Variants in CYFIP2 observed in about 807,000 individuals in gnomAD.
CYFIP2 encodes cytoplasmic FMR1 interacting protein 2.
Under a neutral mutation model 158.7 loss-of-function variants are expected in CYFIP2, and 29 were observed. That is an observed-to-expected ratio of 0.18 (90% confidence interval 0.14 to 0.25). The LOEUF (loss-of-function observed/expected upper bound fraction) is 0.25. Among genes scored for constraint, CYFIP2 ranks in the 10% least tolerant of loss-of-function variants. CYFIP2 has a pLI of 1.00. For synonymous variants in CYFIP2, 585 were observed against 617.6 expected, an observed-to-expected ratio of 0.95 and a Z score of 0.78; for missense variants, 852 against 1,639.5, an observed-to-expected ratio of 0.52 and a Z score of 8.29.
rs548791988 is a variant in CYFIP2 at position 157,266,430 on chromosome 5, A to G, written c.-24+235A>G. 1 of 151,708 alleles carries G rather than the reference A, an allele frequency of 6.6e-6. No homozygotes were observed. Among genetic ancestry groups the G allele is most frequent in the South Asian group, 2.1e-4 (1 of 4,816 alleles). The allele number at this position is 151,708 out of a possible 1,614,324, so 9.4% of individuals were successfully genotyped here. Reference sequence around the variant, plus strand: ...CCCTCTGCCCGGGAGGCGCGGGCACATCGCGGAGCTCCGGCGCGGCGGCGG... The same window carrying G: ...CCCTCTGCCCGGGAGGCGCGGGCACGTCGCGGAGCTCCGGCGCGGCGGCGG... On this transcript the variant is annotated intron_variant, in intron 1 of 30. Transcript: ENST00000620254. This position sits in a 1 kb window ranked among gnomAD's most constrained non-coding sequence, Gnocchi z 4.2.
intron 1 of CYFIP2, 25 bp from the exon 2 acceptor site, chr5:157,285,314 C>T: frequency 1.3e-6 from 2 of 1,492,722 alleles, no homozygotes; most frequent in Non-Finnish European, 1.8e-6. Flanking sequence ...AAATTCTCCA[C>T]TGACCTTCTC....
intron 23 of CYFIP2, among the ~76,000 whole-genome samples, chr5:157,347,711 T>C (rs1223205966): frequency 6.6e-6 from 1 of 152,256 alleles, no homozygotes; most frequent in Admixed American, 6.5e-5. Context: ...AATTTATTTT[T>C]AATATTCTTG....
intron 23 of CYFIP2, chr5:157,343,125 C>T (rs10037485): frequency 0.21 from 335,065 of 1,614,014 alleles, 37,797 homozygotes; most frequent in African/African-American, 0.36. Flanking sequence ...TGGCAACGGA[C>T]ACACCAGAAC....
intron 11 of CYFIP2, 120 bp from the exon 12 acceptor site, chr5:157,314,224 T>C (rs966274110): frequency 1.5e-6 from 2 of 1,297,974 alleles, no homozygotes; most frequent in African/African-American, 3.0e-5. Context: ...GAGCCTCAGT[T>C]TATCTGTCAA....
At chr5:157,392,736 T>G in intron 30 of CYFIP2, 97 bp from the exon 31 acceptor site, 1 of 1,329,732 alleles carries the variant, frequency 7.5e-7, no homozygotes, top group East Asian at 2.3e-5. Flanking sequence ...TGATCACTGA[T>G]GCAGGGGACC....
chr5:157,377,342 G>T (rs1220847702), intron 26 of CYFIP2, among the ~76,000 whole-genome samples: 1 of 151,836 alleles, frequency 6.6e-6, no homozygotes, highest in African/African-American at 2.4e-5. Context: ...TCTCAGCCCT[G>T]CCCTACTGTG....
At chr5:157,339,953 T>C (rs1762128453) in intron 22 of CYFIP2, among the ~76,000 whole-genome samples, 1 of 152,232 alleles carries the variant, frequency 6.6e-6, no homozygotes, top group African/African-American at 2.4e-5. Flanking sequence ...TGCATTTTTA[T>C]TAACCCTGAA....
chr5:157,331,482 C>T (rs375770412), intron 20 of CYFIP2, among the ~76,000 whole-genome samples: 226 of 151,436 alleles, frequency 1.5e-3, no homozygotes, highest in African/African-American at 5.0e-3. Flanking sequence ...CGTCTGTGTG[C>T]TTATTATGTG....
intron 26 of CYFIP2, among the ~76,000 whole-genome samples, chr5:157,379,799 C>G (rs1299882299): frequency 6.6e-6 from 1 of 152,018 alleles, no homozygotes; most frequent in African/African-American, 2.4e-5. Flanking sequence ...AGCAGGTTCG[C>G]CTTGCCCACT....
chr5:157,280,185 G>A lies in CYFIP2; in HGVS notation c.-23-5154G>A, dbSNP rs747085504. On this transcript the variant is annotated intron_variant, in intron 1 of 30. Transcript: ENST00000620254. ...CAGAGGAGAACTTAATGGTTATTCT[G>A]GTAAATGAGTATTTTTGTGTGTGTG... Among the ~76,000 whole-genome samples, 73 of 151,936 alleles carry A rather than the reference G, an allele frequency of 4.8e-4. 1 individual carries two copies. The highest frequency in any genetic ancestry group is 8.8e-4 in the Non-Finnish European group (60 of 67,986).
chr5:157,373,223 A>G (rs903983814), intron 26 of CYFIP2, among the ~76,000 whole-genome samples: 1 of 152,110 alleles, frequency 6.6e-6, no homozygotes, highest in African/African-American at 2.4e-5. Context: ...ACCCAACCAC[A>G]TGGCATACTT....
intron 26 of CYFIP2, among the ~76,000 whole-genome samples, chr5:157,377,471 G>C (rs1323063875): frequency 3.3e-5 from 5 of 152,074 alleles, no homozygotes; most frequent in Non-Finnish European, 7.4e-5. Flanking sequence ...CCAAAAGTCT[G>C]AATTGGTTGC....
At chr5:157,315,219 A>G (rs1274150949) in intron 13 of CYFIP2, 125 bp downstream of exon 13, 8 of 1,253,578 alleles carry the variant, frequency 6.4e-6, no homozygotes, top group South Asian at 1.9e-5. Flanking sequence ...CTGTCCTACC[A>G]TCTAAATTAA....
chr5:157,368,759 A>G (rs1764677741), intron 26 of CYFIP2, among the ~76,000 whole-genome samples: 1 of 151,538 alleles, frequency 6.6e-6, no homozygotes, highest in Non-Finnish European at 1.5e-5. Context: ...CAAGAGCCCC[A>G]TGAGCCAGAG....
At chr5:157,304,475 T>C in intron 8 of CYFIP2, 109 bp downstream of exon 8, 1 of 1,280,544 alleles carries the variant, frequency 7.8e-7, no homozygotes, top group Non-Finnish European at 1.1e-6. Context: ...TAAACATTGA[T>C]ACAGATCTTA....
chr5:157,272,187 A>C (rs1756158913), intron 1 of CYFIP2, among the ~76,000 whole-genome samples: 1 of 152,144 alleles, frequency 6.6e-6, no homozygotes, highest in African/African-American at 2.4e-5. Context: ...AACGAGGAGG[A>C]TAGGCCTTCT....
chr5:157,300,992 G>T, intron 6 of CYFIP2, 96 bp downstream of exon 6: 3 of 1,149,326 alleles, frequency 2.6e-6, no homozygotes, highest in Non-Finnish European at 3.6e-6. Context: ...CCTCTCACCT[G>T]CTTTTTCTTT....
At chr5:157,326,722 G>A (rs1277892988) in intron 18 of CYFIP2, among the ~76,000 whole-genome samples, 2 of 152,164 alleles carry the variant, frequency 1.3e-5, no homozygotes, top group African/African-American at 4.8e-5. Context: ...GGGAGAATGG[G>A]GCCTGAGTGC....
At chr5:157,279,971 C>T (rs1471344153) in intron 1 of CYFIP2, among the ~76,000 whole-genome samples, 4 of 152,150 alleles carry the variant, frequency 2.6e-5, no homozygotes, top group East Asian at 1.9e-4. Flanking sequence ...CTAAAAATGT[C>T]GGATTTCCTT....
Sources: allele counts gnomAD v4.1 joint callset (sites outside exome capture counted in the v4.1 genomes callset), GRCh38; gene constraint gnomAD v4.1.1; non-coding constraint Gnocchi (gnomAD v3.1); transcripts MANE v1.5; gene names NCBI Gene and HGNC (gene_info 2026-07-23, HGNC 2026-07-21).